The following LDB2 variants were observed in gnomAD, a reference collection of about 807,000 sequenced individuals.
LDB2 encodes LIM domain-binding protein 2.
Under a neutral mutation model 44.3 loss-of-function variants are expected in LDB2, and 12 were observed. That is an observed-to-expected ratio of 0.27 (90% CI 0.17 to 0.44). The LOEUF (loss-of-function observed/expected upper bound fraction) is 0.44. Among genes scored for constraint, LDB2 ranks in the 20% least tolerant of loss-of-function variants. The pLI is 1.00. For missense variants in LDB2, 344 were observed against 473.5 expected (o/e 0.73, Z 2.54); for synonymous variants, 164 against 174.8 (o/e 0.94, Z 0.49).
intron 1 of LDB2, among the ~76,000 whole-genome samples, chr4:16,895,398 A>G (rs1359427946): frequency 1.3e-5 from 2 of 152,150 alleles, no homozygotes; most frequent in Non-Finnish European, 2.9e-5. Flanking sequence ...ATTTCTTTCC[A>G]TATAAAAAAG....
intron 5 of LDB2, among the ~76,000 whole-genome samples, chr4:16,512,398 A>G (rs1722097730): frequency 6.6e-6 from 1 of 152,120 alleles, no homozygotes; most frequent in Admixed American, 6.6e-5. Context: ...AATGGGGTGG[A>G]TATATGTAGC....
rs536052698 is a variant in LDB2 at position 16,570,307 on chromosome 4, C to CA, written c.615+15614dup. On this transcript the variant is annotated intron_variant, in intron 5 of 7. Coordinates refer to ENST00000304523, the MANE Select transcript of LDB2 (RefSeq NM_001290.5). The stretch of plus-strand genomic sequence containing the variant: ...TGAAACCCCATCTCTACTAAAAATA[C>CA]AAAAAATTAGCTGGGTGTGGTGGCG... 8.5e-3 allele frequency among the ~76,000 whole-genome samples: 1,275 copies of CA among 150,554 alleles called. 15 individuals carry two copies. Among genetic ancestry groups the CA allele is most frequent in the African/African-American group, 0.03 (1,225 of 41,042 alleles).
At chr4:16,588,636 T>C (rs1717841482) in intron 4 of LDB2, 74 bp downstream of exon 4, 1 of 1,476,226 alleles carries the variant, frequency 6.8e-7, no homozygotes. Flanking sequence ...GAGAGAGGAC[T>C]GGGTTTTTCC....
At chr4:16,690,033 G>T (rs966474316) in intron 2 of LDB2, among the ~76,000 whole-genome samples, 2 of 152,144 alleles carry the variant, frequency 1.3e-5, no homozygotes, top group African/African-American at 4.8e-5. Context: ...ATACCTATGT[G>T]TGCACTTAGT....
chr4:16,563,008 T>C (rs1191637116), intron 5 of LDB2, among the ~76,000 whole-genome samples: 3 of 150,710 alleles, frequency 2.0e-5, no homozygotes, highest in Non-Finnish European at 3.0e-5. Flanking sequence ...TAGGTGGGAA[T>C]TGAACAACGA....
At position 16,508,613 on chromosome 4, in the gene LDB2, G is replaced by A. The variant is rs752982483; in HGVS notation, c.813C>T (p.Ser271=). Residue 271 remains serine (S), a synonymous_variant, in exon 7 of 8, where the codon AGC becomes AGT. Transcript: ENST00000304523. ...KNSTSSTSNS[S]AGNNANSTGS... ...CAGTGCTGTTTGCATTGTTCCCAGCGCTGCTGTTGGAAGTGCTGCTGGTGG... is the reference window on the plus strand; with the variant it reads ...CAGTGCTGTTTGCATTGTTCCCAGCACTGCTGTTGGAAGTGCTGCTGGTGG... 36 of 1,613,622 alleles carry A rather than the reference G, an allele frequency of 2.2e-5. No individual in the cohort carries two copies. In the Admixed American group the frequency reaches 3.0e-4, roughly 13 times the overall value.
At chr4:16,768,303 C>G (rs1403456447) in intron 1 of LDB2, among the ~76,000 whole-genome samples, 1 of 151,780 alleles carries the variant, frequency 6.6e-6, no homozygotes, top group African/African-American at 2.4e-5. Flanking sequence ...TCTTGTGGTT[C>G]TAGAAAAAAA....
chr4:16,754,809 G>A (rs1168578473), intron 2 of LDB2, among the ~76,000 whole-genome samples: 1 of 152,194 alleles, frequency 6.6e-6, no homozygotes, highest in African/African-American at 2.4e-5. Context: ...TGGGATTACA[G>A]GCGTTAGCCA....
intron 5 of LDB2, among the ~76,000 whole-genome samples, chr4:16,573,600 A>G (rs1188145401): frequency 1.3e-5 from 2 of 152,170 alleles, no homozygotes. Context: ...CCACACTTTG[A>G]ATAGCAGCTT....
intron 2 of LDB2, among the ~76,000 whole-genome samples, chr4:16,657,652 C>T (rs1055938358): frequency 6.6e-6 from 1 of 152,220 alleles, no homozygotes; most frequent in Non-Finnish European, 1.5e-5. Flanking sequence ...CCTGGCTTTC[C>T]TTCTGTTTCT....
intron 5 of LDB2, among the ~76,000 whole-genome samples, chr4:16,583,136 G>A (rs1217050338): frequency 6.6e-6 from 1 of 152,178 alleles, no homozygotes; most frequent in Non-Finnish European, 1.5e-5. Flanking sequence ...TTTCCTGACT[G>A]CAGGTCTCCG....
At chr4:16,703,388 TAGAC>T (rs1753920435) in intron 2 of LDB2, among the ~76,000 whole-genome samples, 1 of 152,206 alleles carries the variant, frequency 6.6e-6, no homozygotes, top group East Asian at 1.9e-4. Context: ...GTGTGTAAGG[TAGAC>T]AGAGAGCTTC....
chr4:16,645,297 G>A (rs1736399892), intron 2 of LDB2, among the ~76,000 whole-genome samples: 1 of 152,064 alleles, frequency 6.6e-6, no homozygotes, highest in African/African-American at 2.4e-5. Context: ...AGCACTTTGG[G>A]AGGCCGAGGC....
Position 16,898,617 on chromosome 4 carries a change from A to G in LDB2, c.-132T>C. 1.5e-6 allele frequency: 1 copy of G among 650,608 alleles called. No individual in the cohort carries two copies. Among genetic ancestry groups the G allele is most frequent in the Non-Finnish European group, 2.3e-6 (1 of 437,964 alleles). The allele number at this position is 650,608 out of a possible 1,614,324, so 40.3% of individuals were successfully genotyped here. The stretch of plus-strand genomic sequence containing the variant: ...CACACACACACAGAGGCAGGCAGGC[A>G]GGCAGGCTGAACACGCTGGCTGGGA... On this transcript the variant is annotated 5_prime_UTR_variant, in exon 1 of 8. Transcript: ENST00000304523.
At chr4:16,748,970 C>T (rs1764913333) in intron 2 of LDB2, among the ~76,000 whole-genome samples, 1 of 152,146 alleles carries the variant, frequency 6.6e-6, no homozygotes, top group Admixed American at 6.5e-5. Context: ...AGATTTTGTT[C>T]ATTCATCTTC....
intron 1 of LDB2, among the ~76,000 whole-genome samples, chr4:16,792,156 A>C (rs911510239): frequency 6.6e-6 from 1 of 152,234 alleles, no homozygotes; most frequent in African/African-American, 2.4e-5. Context: ...CATTAGTGTT[A>C]ACCTAAGTTT....
chr4:16,859,635 A>G (rs1711803557), intron 1 of LDB2, among the ~76,000 whole-genome samples: 1 of 152,170 alleles, frequency 6.6e-6, no homozygotes, highest in Admixed American at 6.5e-5. Flanking sequence ...ATTGACTCAG[A>G]GACTCAGTAC....
chr4:16,546,194 A>G (rs1560430280), intron 5 of LDB2, among the ~76,000 whole-genome samples: 1 of 152,216 alleles, frequency 6.6e-6, no homozygotes, highest in Non-Finnish European at 1.5e-5. Context: ...CACCATTGAT[A>G]TTAGTGCAAA....
chr4:16,825,548 T>C (rs1782890028), intron 1 of LDB2, among the ~76,000 whole-genome samples: 1 of 152,106 alleles, frequency 6.6e-6, no homozygotes, highest in Non-Finnish European at 1.5e-5. Flanking sequence ...TCTAATTCTA[T>C]TCATATAGGG....
Sources: allele counts gnomAD v4.1 joint callset (sites outside exome capture counted in the v4.1 genomes callset), GRCh38; gene constraint gnomAD v4.1.1; transcripts MANE v1.5; gene names NCBI Gene and HGNC (gene_info 2026-07-23, HGNC 2026-07-21).